Variants in CDH13 observed in about 807,000 individuals in gnomAD.
CDH13 encodes cadherin 13, also known as cadherin-13.
A neutral mutation model predicts 63.8 loss-of-function variants in CDH13; 24 were observed. That is an observed-to-expected ratio of 0.38 (90% CI 0.27 to 0.53). The LOEUF (loss-of-function observed/expected upper bound fraction) is 0.53. CDH13 is among the 20% of genes least tolerant of loss of function. The pLI, the probability that CDH13 is intolerant of heterozygous loss-of-function variation, is 0.85. For synonymous variants in CDH13, 503 were observed against 355.3 expected (o/e 1.42, Z -4.67); for missense variants, 1,049 against 903.1 (o/e 1.16, Z -2.07).
chr16:82,970,797 G>T (rs996899034), intron 2 of CDH13, among the ~76,000 whole-genome samples: 1 of 152,052 alleles, frequency 6.6e-6, no homozygotes, highest in African/African-American at 2.4e-5. Context: ...CCCTATTAGA[G>T]CATTCATTAG....
chr16:83,748,390 A>C lies in CDH13; in HGVS notation c.1681+140A>C, dbSNP rs3743616. The stretch of plus-strand genomic sequence containing the variant: ...TGGGAACAGCAAAGTAAATGTTTAA[A>C]TATACACATGTTGAGTTCAGTAATA... On this transcript the variant is annotated intron_variant, in intron 11 of 13. Transcript: ENST00000567109. 28,411 of 720,782 alleles carry C rather than the reference A, an allele frequency of 0.039. 750 individuals carry two copies. Among genetic ancestry groups the C allele is most frequent in the East Asian group, 0.098 (3,874 of 39,342 alleles). 44.6% of individuals were successfully genotyped at this position (720,782 alleles called of 1,614,324 possible).
In CDH13 at chr16:83,235,574, G is replaced by C. The variant is rs1032363137; in HGVS notation, c.636+18077G>C. On this transcript the variant is annotated intron_variant, in intron 5 of 13. Coordinates refer to ENST00000567109, the MANE Select transcript of CDH13 (RefSeq NM_001257.5). ...TGCCAATGCTCATTTTTTATTCTAT[G>C]TGGTGGTGTTTTTTTTTTTTTTTCT... Among the ~76,000 whole-genome samples the C allele has an allele frequency of 1.7e-4, 15 of 87,754 alleles. No homozygotes were observed. The Admixed American group carries it at 2.6e-3, about 15-fold the overall frequency. The allele number at this position is 87,754 out of a possible 152,430, so 57.6% of individuals were successfully genotyped here.
chr16:83,777,212 G>A (rs1273141280), intron 11 of CDH13, among the ~76,000 whole-genome samples: 1 of 152,220 alleles, frequency 6.6e-6, no homozygotes, highest in Non-Finnish European at 1.5e-5. Flanking sequence ...AGATCAGATT[G>A]TTCCTGGATC....
intron 7 of CDH13, among the ~76,000 whole-genome samples, chr16:83,565,723 C>G (rs888599707): frequency 6.6e-6 from 1 of 151,416 alleles, no homozygotes; most frequent in African/African-American, 2.4e-5. Context: ...AGGCTTATGA[C>G]TTTTCTTTTG....
chr16:82,917,208 G>A (rs1207308051), intron 2 of CDH13, among the ~76,000 whole-genome samples: 2 of 152,204 alleles, frequency 1.3e-5, no homozygotes, highest in Non-Finnish European at 2.9e-5. Flanking sequence ...CTCTAAAGAA[G>A]GGGCTAGCAG....
At chr16:83,162,574 A>G (rs551919384) in intron 4 of CDH13, among the ~76,000 whole-genome samples, 2 of 152,230 alleles carry the variant, frequency 1.3e-5, no homozygotes, top group Admixed American at 1.3e-4. Flanking sequence ...GAGCACCCTG[A>G]GTCTGACAGT....
At chr16:83,589,586 T>C (rs187118137) in intron 7 of CDH13, among the ~76,000 whole-genome samples, 15 of 151,990 alleles carry the variant, frequency 9.9e-5, no homozygotes, top group Admixed American at 3.3e-4. Flanking sequence ...CCATCTTTGA[T>C]AGATGTTTTT....
chr16:83,140,135 A>T (rs1168981309), intron 4 of CDH13, among the ~76,000 whole-genome samples: 1 of 152,248 alleles, frequency 6.6e-6, no homozygotes, highest in Admixed American at 6.5e-5. Context: ...CCAGAGGTTT[A>T]GATCCCATAG....
chr16:82,987,247 C>T (rs546852466), intron 2 of CDH13, among the ~76,000 whole-genome samples: 8 of 152,320 alleles, frequency 5.3e-5, no homozygotes, highest in East Asian at 1.9e-4. Flanking sequence ...CCCTTAAACT[C>T]GCCCAAAAGG....
intron 13 of CDH13, among the ~76,000 whole-genome samples, chr16:83,789,416 G>C (rs1916111725): frequency 1.4e-5 from 2 of 142,934 alleles, no homozygotes; most frequent in Non-Finnish European, 1.5e-5. Context: ...GCGCGATTTT[G>C]GCTCACTGCA....
At chr16:83,634,946 C>G (rs184379116) in intron 8 of CDH13, among the ~76,000 whole-genome samples, 20 of 152,310 alleles carry the variant, frequency 1.3e-4, no homozygotes. Context: ...TTTCTGGGTA[C>G]CAGCTGCTGG....
chr16:83,753,457 ATCACCTGAACCCAGGTAGG>A (rs1218758683), intron 11 of CDH13, among the ~76,000 whole-genome samples: 2 of 152,180 alleles, frequency 1.3e-5, no homozygotes, highest in Non-Finnish European at 2.9e-5. Context: ...AGGAAGGAGG[ATCACCTGAACCCAGGTAGG>A]TCAAGGCTGC....
At chr16:82,844,202 A>C (rs1168756791) in intron 1 of CDH13, among the ~76,000 whole-genome samples, 1 of 152,192 alleles carries the variant, frequency 6.6e-6, no homozygotes, top group Non-Finnish European at 1.5e-5. Flanking sequence ...GAAGAGAGAC[A>C]GAGAAAAACA....
chr16:82,636,070 T>G (rs1218871019), intron 1 of CDH13, among the ~76,000 whole-genome samples: 1 of 152,176 alleles, frequency 6.6e-6, no homozygotes, highest in African/African-American at 2.4e-5. Flanking sequence ...CAGTTCTTTA[T>G]AGCAATGCAA....
At chr16:83,779,715 A>G (rs1915386087) in intron 11 of CDH13, among the ~76,000 whole-genome samples, 2 of 152,086 alleles carry the variant, frequency 1.3e-5, no homozygotes, top group African/African-American at 2.4e-5. Flanking sequence ...AAAGTTAGCC[A>G]GGTGTGGTGG....
chr16:83,103,842 G>A (rs886403029), intron 3 of CDH13, among the ~76,000 whole-genome samples: 5 of 152,150 alleles, frequency 3.3e-5, no homozygotes, highest in African/African-American at 1.2e-4. Flanking sequence ...TCATTTTCTA[G>A]AACACATTGA....
chr16:83,555,177 T>C (rs544091170), intron 7 of CDH13, among the ~76,000 whole-genome samples: 13 of 152,286 alleles, frequency 8.5e-5, no homozygotes, highest in Non-Finnish European at 1.5e-4. Context: ...GATTTTTCCA[T>C]GTTGCAGAGT....
chr16:82,630,657 G>A (rs1477839787), intron 1 of CDH13, among the ~76,000 whole-genome samples: 2 of 152,214 alleles, frequency 1.3e-5, no homozygotes, highest in African/African-American at 4.8e-5. Flanking sequence ...CAATGTTTAG[G>A]TTAAAGTGTA....
intron 4 of CDH13, among the ~76,000 whole-genome samples, chr16:83,175,047 C>G (rs181491713): frequency 4.7e-4 from 72 of 152,194 alleles, no homozygotes; most frequent in African/African-American, 1.6e-3. Flanking sequence ...TATCACCATG[C>G]TAGCCACATT....
Sources: gnomAD v4.1 joint callset for allele counts (sites outside exome capture counted in the v4.1 genomes callset) on GRCh38, gnomAD v4.1.1 for gene constraint, MANE v1.5 for transcripts, NCBI Gene and HGNC (gene_info 2026-07-23, HGNC 2026-07-21) for gene names.